The following NFIB variants were observed in gnomAD, a reference collection of about 807,000 sequenced individuals.
NFIB encodes nuclear factor 1 B-type.
A neutral mutation model predicts 61.5 loss-of-function variants in NFIB; 11 were observed. The ratio of observed to expected loss-of-function variants is 0.18; its 90% CI spans 0.11 to 0.30. NFIB has a LOEUF of 0.30. NFIB is among the 10% of genes least tolerant of loss of function. The pLI is 1.00. For synonymous variants in NFIB, 260 were observed against 216.5 expected (o/e 1.20, Z -1.76); for missense variants, 471 against 608.9 (o/e 0.77, Z 2.38).
At chr9:14,217,608 C>T (rs2051077417) in intron 2 of NFIB, among the ~76,000 whole-genome samples, 2 of 133,604 alleles carry the variant, frequency 1.5e-5, no homozygotes, top group Non-Finnish European at 3.1e-5. Flanking sequence ...TGCGGTGAGC[C>T]GAGATTGCAA....
chr9:14,487,034 T>G, the NFIB span, among the ~76,000 whole-genome samples: 1 of 152,218 alleles, frequency 6.6e-6, no homozygotes, highest in Non-Finnish European at 1.5e-5. Flanking sequence ...CTTTTCTTTT[T>G]TTCACTCTCT....
chr9:14,218,563 T>C (rs2051228255), intron 2 of NFIB, among the ~76,000 whole-genome samples: 1 of 152,230 alleles, frequency 6.6e-6, no homozygotes, highest in Non-Finnish European at 1.5e-5. Flanking sequence ...GACTGATGAC[T>C]ATAGATGTCA....
intron 2 of NFIB, among the ~76,000 whole-genome samples, chr9:14,205,219 G>GAAA (rs1277849135): frequency 2.3e-3 from 3 of 1,284 alleles, no homozygotes; most frequent in Admixed American, 0.014. Flanking sequence ...AAGGAAGGGA[G>GAAA]GGGAGGGGAG....
chr9:14,233,657 T>C (rs536076208), intron 2 of NFIB, among the ~76,000 whole-genome samples: 1 of 152,306 alleles, frequency 6.6e-6, no homozygotes, highest in African/African-American at 2.4e-5. Context: ...CTCAAACTCC[T>C]GACCTCAGGT....
the NFIB span, among the ~76,000 whole-genome samples, chr9:14,475,261 A>G: frequency 6.6e-6 from 1 of 152,346 alleles, no homozygotes; most frequent in East Asian, 1.9e-4. Context: ...AGGGAGTGGT[A>G]GAGCTCAGAT....
chr9:14,199,176 C>T (rs1484783910), intron 2 of NFIB, among the ~76,000 whole-genome samples: 1 of 152,202 alleles, frequency 6.6e-6, no homozygotes, highest in Non-Finnish European at 1.5e-5. Flanking sequence ...CAAATATTGG[C>T]ATAGGTGACT....
At chr9:14,176,276 CAAA>C (rs2046185025) in intron 3 of NFIB, among the ~76,000 whole-genome samples, 1 of 105,372 alleles carries the variant, frequency 9.5e-6, no homozygotes, top group Non-Finnish European at 2.1e-5. Flanking sequence ...AAAAAAAAAA[CAAA>C]GAAGAAGAAG....
At chr9:14,304,027 C>A (rs2059893662) in intron 2 of NFIB, among the ~76,000 whole-genome samples, 1 of 152,030 alleles carries the variant, frequency 6.6e-6, no homozygotes, top group Non-Finnish European at 1.5e-5. Flanking sequence ...GCATAGTAGC[C>A]GAATAACAAA....
rs146343366 is a variant in NFIB at position 14,253,359 on chromosome 9, G to A, written c.562+53630C>T. On this transcript the variant is annotated intron_variant, in intron 2 of 10. Coordinates refer to ENST00000380953, the MANE Select transcript of NFIB (RefSeq NM_001190737.2). The stretch of plus-strand genomic sequence containing the variant: ...TGGTCACCACCAATTAGATTATAGC[G>A]GGATAATTTCACAGTTCTCGAGATG... Among the ~76,000 whole-genome samples, 15 of 152,254 alleles carry A rather than the reference G, an allele frequency of 9.9e-5. No homozygotes were observed. In the East Asian group the frequency reaches 1.9e-3, roughly 20 times the overall value.
intron 2 of NFIB, among the ~76,000 whole-genome samples, chr9:14,277,217 G>C (rs187169803): frequency 1.0e-3 from 158 of 152,172 alleles, no homozygotes; most frequent in African/African-American, 3.7e-3. Context: ...CTACAATTCA[G>C]AATTTTGAAA....
At chr9:14,402,253 G>T (rs183544320), upstream of NFIB, among the ~76,000 whole-genome samples, 133 of 152,250 alleles carry the variant, frequency 8.7e-4, no homozygotes, top group Admixed American at 3.9e-3. Context: ...CTACATTTTG[G>T]GAGGCAGAGG....
chr9:14,477,419 T>C, the NFIB span, among the ~76,000 whole-genome samples: 1 of 152,238 alleles, frequency 6.6e-6, no homozygotes, highest in Non-Finnish European at 1.5e-5. Flanking sequence ...TATTCAGATT[T>C]CTCAATATCA....
chr9:14,380,434 C>T lies in NFIB; in HGVS notation c.108+18090G>A, dbSNP rs1049475949. 1.7e-4 allele frequency among the ~76,000 whole-genome samples: 26 copies of T among 152,248 alleles called. 1 individual carries two copies. Among genetic ancestry groups the T allele is most frequent in the Admixed American group, 1.2e-3 (18 of 15,294 alleles). On this transcript the variant is annotated intron_variant, in intron 1 of 8. Coordinates refer to the NFIB transcript ENST00000380934. The stretch of plus-strand genomic sequence containing the variant: ...TGGTGATGTAAATAGAAAAATGTAT[C>T]GGCACAGGTTAAAACTAAAGGGAAA...
chr9:14,466,012 G>C, the NFIB span, among the ~76,000 whole-genome samples: 1 of 152,138 alleles, frequency 6.6e-6, no homozygotes, highest in Admixed American at 6.5e-5. Flanking sequence ...AGCACGGCAG[G>C]ACTGAGAGAG....
chr9:14,091,517 A>C (rs1464922138), intron 10 of NFIB, among the ~76,000 whole-genome samples: 1 of 152,098 alleles, frequency 6.6e-6, no homozygotes, highest in Admixed American at 6.6e-5. Flanking sequence ...AGTGAGAATT[A>C]CTATATGGAT....
the NFIB span, among the ~76,000 whole-genome samples, chr9:14,504,693 C>T: frequency 6.6e-6 from 1 of 152,158 alleles, no homozygotes; most frequent in Non-Finnish European, 1.5e-5. Context: ...TATCCTGAAG[C>T]TTTGCTGAAT....
At chr9:14,302,739 C>T (rs1257880343) in intron 2 of NFIB, among the ~76,000 whole-genome samples, 3 of 152,010 alleles carry the variant, frequency 2.0e-5, no homozygotes, top group Admixed American at 2.0e-4. Flanking sequence ...CCACTCCCGC[C>T]CCCCGACTCC....
At chr9:14,141,299 A>G (rs1290228154) in intron 6 of NFIB, among the ~76,000 whole-genome samples, 2 of 152,208 alleles carry the variant, frequency 1.3e-5, no homozygotes, top group African/African-American at 4.8e-5. Flanking sequence ...TTTATTTTTT[A>G]GTACCTAAGA....
chr9:14,335,246 T>C lies in NFIB; in HGVS notation c.109-27726A>G, dbSNP rs190684696. ...AGATATGGCAGGTGTCTGTTTAACT[T>C]TTTAAGAAAATGTCAACACCGTTTT... On this transcript the variant is annotated intron_variant, in intron 1 of 8. Transcript: ENST00000380934. Among the ~76,000 whole-genome samples the C allele has an allele frequency of 4.9e-4, 74 of 152,326 alleles. No individual in the cohort carries two copies. In the East Asian group the frequency reaches 8.3e-3, roughly 17 times the overall value.
Sources: gnomAD v4.1 joint callset for allele counts (sites outside exome capture counted in the v4.1 genomes callset) on GRCh38, gnomAD v4.1.1 for gene constraint, MANE v1.5 for transcripts, NCBI Gene and HGNC (gene_info 2026-07-23, HGNC 2026-07-21) for gene names.